The following OTOP2 variants were observed in gnomAD, a reference collection of about 807,000 sequenced individuals.
OTOP2 encodes the protein otopetrin 2, also known as proton channel OTOP2.
OTOP2 carries 41 observed loss-of-function variants against 47.4 expected under a neutral mutation model. The observed-to-expected ratio is 0.87, with a 90% CI of 0.67 to 1.12. The LOEUF (loss-of-function observed/expected upper bound fraction) is 1.12, where lower values mean the gene tolerates loss of function less well. Among genes scored for constraint, OTOP2 ranks in the 50% most tolerant of loss-of-function variants. The pLI, the probability that OTOP2 is intolerant of heterozygous loss-of-function variation, is 0.00. For missense variants in OTOP2, 721 were observed against 752.2 expected (o/e 0.96, Z 0.49); for synonymous variants, 328 against 319.6 (o/e 1.03, Z -0.28).
chr17:74,933,224 C>A lies in OTOP2; in HGVS notation c.1519-151C>A. The A allele has an allele frequency of 1.1e-6, 1 of 929,484 alleles. No homozygotes were observed. The highest frequency in any genetic ancestry group is 1.6e-5 in the African/African-American group (1 of 60,884). 57.6% of individuals were successfully genotyped at this position (929,484 alleles called of 1,614,324 possible). A position where few individuals can be genotyped will look rare whatever the true frequency, so the allele number is the denominator to read the frequency against. ...AGTGTGCTAGGTCCTGTCCAAAATGCTAGAGCTGCCCATTCACTGACACCC... is the reference window on the plus strand; with the variant it reads ...AGTGTGCTAGGTCCTGTCCAAAATGATAGAGCTGCCCATTCACTGACACCC... On this transcript the variant is annotated intron_variant, in intron 6 of 6. Coordinates refer to ENST00000331427, the MANE Select transcript of OTOP2 (RefSeq NM_178160.3). The surrounding 1 kb of genome is among the most constrained non-coding windows in gnomAD (Gnocchi z 4.7).
chr17:74,925,433 C>A, intron 2 of OTOP2, 123 bp from the exon 3 acceptor site: 1 of 1,271,378 alleles, frequency 7.9e-7, no homozygotes. Context: ...TCCAACAGTG[C>A]ACTCACTCAC....
intron 6 of OTOP2, among the ~76,000 whole-genome samples, chr17:74,931,559 C>T (rs1324661311): frequency 1.3e-5 from 2 of 152,154 alleles, no homozygotes; most frequent in African/African-American, 4.8e-5. Flanking sequence ...CAGGAAGTAG[C>T]GGAGACCAGT....
intron 5 of OTOP2, among the ~76,000 whole-genome samples, chr17:74,929,383 G>A (rs565689498): frequency 6.6e-6 from 1 of 152,116 alleles, no homozygotes; most frequent in African/African-American, 2.4e-5. Context: ...GTGGGGTGAA[G>A]TGAGCAGTCC....
intron 2 of OTOP2, 82 bp downstream of exon 2, chr17:74,925,027 A>G: frequency 2.8e-6 from 4 of 1,428,592 alleles, no homozygotes; most frequent in South Asian, 1.4e-5. Context: ...TGCAGAGTGC[A>G]GATTGACATA....
intron 5 of OTOP2, among the ~76,000 whole-genome samples, chr17:74,928,266 G>A (rs977688081): frequency 6.6e-6 from 1 of 152,070 alleles, no homozygotes. Flanking sequence ...GATTGCTTGA[G>A]CCTGGGAGGT....
At chr17:74,925,344 C>A (rs1012698991) in intron 2 of OTOP2, among the ~76,000 whole-genome samples, 15 of 152,126 alleles carry the variant, frequency 9.9e-5, no homozygotes, top group Middle Eastern at 3.2e-3. Flanking sequence ...GTCATACACT[C>A]ACCCTTCCAT....
At chr17:74,925,758 C>A (rs2039001871) in intron 3 of OTOP2, 66 bp downstream of exon 3, 2 of 1,601,202 alleles carry the variant, frequency 1.2e-6, no homozygotes, top group African/African-American at 2.7e-5. Flanking sequence ...AAGGACCCAA[C>A]AAGGGGTCGG....
chr17:74,924,835 C>T lies in OTOP2; in HGVS notation c.203C>T (p.Ala68Val), dbSNP rs151293476. The change falls in exon 2 of 7, where the codon GCG (alanine) becomes GTG (valine). Residue 68 changes from alanine (A) to valine (V), a missense_variant. Coordinates refer to ENST00000331427, the MANE Select transcript of OTOP2 (RefSeq NM_178160.3). The surrounding 1 kb of genome is among the most constrained non-coding windows in gnomAD (Gnocchi z 7.7). Reference protein sequence around the residue: ...YDTDVFALLTAMMLLATLWIL... With the variant: ...YDTDVFALLTVMMLLATLWIL... Reference sequence around the variant, plus strand: ...ACCGACGTGTTCGCGCTGCTCACTGCGATGATGCTGCTGGCAACGCTCTGG... The same window carrying T: ...ACCGACGTGTTCGCGCTGCTCACTGTGATGATGCTGCTGGCAACGCTCTGG... 333 of 1,610,436 alleles carry T rather than the reference C, an allele frequency of 2.1e-4. 1 individual carries two copies. The Middle Eastern group carries it at 4.6e-3, about 22-fold the overall frequency.
chr17:74,931,751 G>A (rs2039060944), intron 6 of OTOP2, among the ~76,000 whole-genome samples: 1 of 152,082 alleles, frequency 6.6e-6, no homozygotes, highest in African/African-American at 2.4e-5. Flanking sequence ...TCAGGAGTTC[G>A]AGACCAGCCT....
rs1026934351 is a variant in OTOP2 at position 74,933,257 on chromosome 17, C to T, written c.1519-118C>T. ...GCCCATTCACTGACACCCAGCCCTC[C>T]GTGTCCACCAAGCTAGAAGGATGGG... On this transcript the variant is annotated intron_variant, in intron 6 of 6. Coordinates refer to ENST00000331427, the MANE Select transcript of OTOP2 (RefSeq NM_178160.3). This position sits in a 1 kb window ranked among gnomAD's most constrained non-coding sequence, Gnocchi z 4.7. 68 of 1,255,184 alleles carry T rather than the reference C, an allele frequency of 5.4e-5. No homozygotes were observed. In the East Asian group the frequency reaches 7.0e-4, roughly 13 times the overall value. 77.8% of individuals were successfully genotyped at this position (1,255,184 alleles called of 1,614,324 possible).
chr17:74,931,583 G>A lies in OTOP2; in HGVS notation c.1518+430G>A, dbSNP rs938818963. 7.2e-5 allele frequency among the ~76,000 whole-genome samples: 11 copies of A among 152,230 alleles called. No homozygotes were observed. The East Asian group carries it at 9.6e-4, about 13-fold the overall frequency. ...GCGGAGACCAGTGTTAAGTGTGAGC[G>A]GTCTGTTAGCAGAGTGAACTGGGAA... On this transcript the variant is annotated intron_variant, in intron 6 of 6. Transcript: ENST00000331427.
At position 74,924,508 on chromosome 17, in the gene OTOP2, C is replaced by A; in HGVS notation, c.-33-92C>A. On this transcript the variant is annotated intron_variant, in intron 1 of 6. Coordinates refer to ENST00000331427, the MANE Select transcript of OTOP2 (RefSeq NM_178160.3). The surrounding 1 kb of genome is among the most constrained non-coding windows in gnomAD (Gnocchi z 7.7). ...CACCCGAAGCCCCAACCCTGCGGGTCAGGAACTCCCTAGTCCCCAAGTCTA... is the reference window on the plus strand; with the variant it reads ...CACCCGAAGCCCCAACCCTGCGGGTAAGGAACTCCCTAGTCCCCAAGTCTA... 2 of 1,196,242 alleles carry A rather than the reference C, an allele frequency of 1.7e-6. No individual in the cohort carries two copies. Among genetic ancestry groups the A allele is most frequent in the Non-Finnish European group, 2.3e-6 (2 of 886,862 alleles). The allele number at this position is 1,196,242 out of a possible 1,614,324, so 74.1% of individuals were successfully genotyped here.
chr17:74,927,651 C>A lies in OTOP2; in HGVS notation c.510-14C>A. The A allele has an allele frequency of 3.7e-6, 6 of 1,609,284 alleles. No homozygotes were observed. The highest frequency in any genetic ancestry group is 5.1e-6 in the Non-Finnish European group (6 of 1,177,190). On this transcript the variant is annotated splice_polypyrimidine_tract_variant and intron_variant, in intron 4 of 6. Coordinates refer to ENST00000331427, the MANE Select transcript of OTOP2 (RefSeq NM_178160.3). Reference sequence around the variant, plus strand: ...GTCACAGGCCTCTTTGTCCCCACCCCTGACCCCAAACAGGTGTGGTCTCAT... The same window carrying A: ...GTCACAGGCCTCTTTGTCCCCACCCATGACCCCAAACAGGTGTGGTCTCAT...
At chr17:74,927,937 G>T (rs1231681074) in intron 5 of OTOP2, 139 bp downstream of exon 5, 3 of 1,173,766 alleles carry the variant, frequency 2.6e-6, no homozygotes, top group East Asian at 2.6e-5. Context: ...CCTGTTGCAG[G>T]ATCTACCTCT....
chr17:74,932,993 A>AC (rs2039073133), intron 6 of OTOP2, among the ~76,000 whole-genome samples: 3 of 150,056 alleles, frequency 2.0e-5, no homozygotes, highest in Admixed American at 1.3e-4. Context: ...TGATTCTGCC[A>AC]CCCCCACCCC....
At chr17:74,925,792 T>C in intron 3 of OTOP2, 100 bp downstream of exon 3, 2 of 1,513,560 alleles carry the variant, frequency 1.3e-6, no homozygotes, top group Non-Finnish European at 1.8e-6. Flanking sequence ...ATCCGCCTCG[T>C]ATCCTGAGCT....
At position 74,930,863 on chromosome 17, in the gene OTOP2, A is replaced by G. The variant is rs1207674643; in HGVS notation, c.1228A>G (p.Met410Val). ...AGLNLTHALL[M>V]IAQHTFQNMF... Reference sequence around the variant, plus strand: ...GCTCAACCTCACCCATGCACTGCTCATGATCGCCCAGCACACCTTCCAGAA... The same window carrying G: ...GCTCAACCTCACCCATGCACTGCTCGTGATCGCCCAGCACACCTTCCAGAA... Residue 410 changes from methionine to valine, a missense_variant, in exon 6 of 7, where the codon ATG becomes GTG. Met to Val is a conservative substitution (Grantham distance 21). Coordinates refer to ENST00000331427, the MANE Select transcript of OTOP2 (RefSeq NM_178160.3). This position sits in a 1 kb window ranked among gnomAD's most constrained non-coding sequence, Gnocchi z 4.0. 2.5e-6 allele frequency: 4 copies of G among 1,614,012 alleles called. No homozygotes were observed. The Admixed American group carries it at 5.0e-5, about 20-fold the overall frequency.
chr17:74,925,742 A>C (rs756368036), intron 3 of OTOP2, 50 bp downstream of exon 3: 1 of 1,609,260 alleles, frequency 6.2e-7, no homozygotes, highest in South Asian at 1.1e-5. Context: ...ACACTTGGCC[A>C]TTGGGAAGGA....
chr17:74,924,840 A>C lies in OTOP2; in HGVS notation c.208A>C (p.Met70Leu), dbSNP rs750021794. ...CGTGTTCGCGCTGCTCACTGCGATGATGCTGCTGGCAACGCTCTGGATCCT... is the reference window on the plus strand; with the variant it reads ...CGTGTTCGCGCTGCTCACTGCGATGCTGCTGCTGGCAACGCTCTGGATCCT... ...TDVFALLTAM[M>L]LLATLWILFY... The change falls in exon 2 of 7, where the codon ATG becomes CTG. Residue 70 changes from methionine to leucine, a missense_variant. Met to Leu is a conservative substitution (Grantham distance 15). Transcript: ENST00000331427. The surrounding 1 kb of genome is among the most constrained non-coding windows in gnomAD (Gnocchi z 7.7). 1.9e-6 allele frequency: 3 copies of C among 1,610,246 alleles called. No homozygotes were observed. The highest frequency in any genetic ancestry group is 2.5e-6 in the Non-Finnish European group (3 of 1,178,564).
Sources: allele counts gnomAD v4.1 joint callset (sites outside exome capture counted in the v4.1 genomes callset), GRCh38; gene constraint gnomAD v4.1.1; non-coding constraint Gnocchi (gnomAD v3.1); transcripts MANE v1.5; gene names NCBI Gene and HGNC (gene_info 2026-07-23, HGNC 2026-07-21).